Variants in PRKN observed in about 807,000 individuals in gnomAD.
PRKN encodes the protein E3 ubiquitin-protein ligase parkin.
PRKN carries 56 observed loss-of-function variants against 59.5 expected under a neutral mutation model. The observed-to-expected ratio is 0.94, with a 90% confidence interval of 0.76 to 1.18. PRKN has a LOEUF of 1.18. Among genes scored for constraint, PRKN ranks in the 50% most tolerant of loss-of-function variants. The pLI is 0.00. For synonymous variants in PRKN, 250 were observed against 222.1 expected (o/e 1.13, Z -1.12); for missense variants, 657 against 596.4 (o/e 1.10, Z -1.06).
At chr6:161,835,547 G>A (rs542174281) in intron 6 of PRKN, among the ~76,000 whole-genome samples, 7 of 152,190 alleles carry the variant, frequency 4.6e-5, no homozygotes, top group African/African-American at 9.6e-5. Context: ...TGTAAGGCCC[G>A]AGACACTGGC....
intron 2 of PRKN, among the ~76,000 whole-genome samples, chr6:162,290,610 T>C (rs1033177599): frequency 4.6e-5 from 7 of 152,136 alleles, no homozygotes; most frequent in Non-Finnish European, 1.0e-4. Flanking sequence ...GTTAGTAATA[T>C]TATGACAATA....
At chr6:162,254,938 C>T (rs1230114181) in intron 3 of PRKN, among the ~76,000 whole-genome samples, 2 of 152,008 alleles carry the variant, frequency 1.3e-5, no homozygotes, top group East Asian at 1.9e-4. Context: ...AAATGTAACA[C>T]TCCAGAAAAA....
In PRKN at chr6:161,483,105, A is replaced by G. The variant is rs539934761; in HGVS notation, c.1083+65749T>C. ...AGGGAGAAGATGCAAGGGACTTCTC[A>G]GCAATTTCTCTCTATGTGTTCTGCA... On this transcript the variant is annotated intron_variant, in intron 9 of 11. Transcript: ENST00000366898. This position sits in a 1 kb window ranked among gnomAD's most constrained non-coding sequence, Gnocchi z 5.0. Among the ~76,000 whole-genome samples the G allele has an allele frequency of 3.3e-5, 5 of 151,916 alleles. No individual in the cohort carries two copies. The highest frequency in any genetic ancestry group is 2.6e-4 in the Admixed American group (4 of 15,244).
At chr6:162,666,626 T>A (rs1779115437) in intron 1 of PRKN, among the ~76,000 whole-genome samples, 1 of 152,096 alleles carries the variant, frequency 6.6e-6, no homozygotes, top group African/African-American at 2.4e-5. Flanking sequence ...AAAATAAATT[T>A]GAGATTAATC....
At chr6:162,172,430 G>A (rs1783328749) in intron 4 of PRKN, among the ~76,000 whole-genome samples, 1 of 152,166 alleles carries the variant, frequency 6.6e-6, no homozygotes, top group Non-Finnish European at 1.5e-5. Flanking sequence ...CCTGTTGCCT[G>A]AGCCTTACTC....
At position 161,525,163 on chromosome 6, in the gene PRKN, G is replaced by C. The variant is rs992861704; in HGVS notation, c.1083+23691C>G. 2.1e-4 allele frequency among the ~76,000 whole-genome samples: 32 copies of C among 152,014 alleles called. No individual in the cohort carries two copies. Among genetic ancestry groups the C allele is most frequent in the Non-Finnish European group, 8.8e-5 (6 of 68,006 alleles). ...TGTGTGTGTGTGTGTATGTGTGTGT[G>C]AGTAGGGTTCTGTGTGAGATGGACG... is the stretch of plus-strand genomic sequence containing the variant. On this transcript the variant is annotated intron_variant, in intron 9 of 11. Transcript: ENST00000366898. This position sits in a 1 kb window ranked among gnomAD's most constrained non-coding sequence, Gnocchi z 4.7.
intron 7 of PRKN, among the ~76,000 whole-genome samples, chr6:161,597,831 C>T (rs985850409): frequency 4.4e-5 from 4 of 91,422 alleles, no homozygotes; most frequent in South Asian, 3.3e-4. Flanking sequence ...TCTGATCCAG[C>T]GTGCGCACAC....
intron 1 of PRKN, among the ~76,000 whole-genome samples, chr6:162,650,385 C>G (rs2128226381): frequency 6.6e-6 from 1 of 152,010 alleles, no homozygotes; most frequent in South Asian, 2.1e-4. Flanking sequence ...ATCACGAGGT[C>G]AGGAGATCGA....
chr6:162,058,708 T>G (rs1777968012), intron 4 of PRKN, among the ~76,000 whole-genome samples: 1 of 151,920 alleles, frequency 6.6e-6, no homozygotes, highest in Non-Finnish European at 1.5e-5. Flanking sequence ...ATCCCAGCAC[T>G]TTGGGTGGCT....
At chr6:161,674,116 G>T (rs916564619) in intron 7 of PRKN, among the ~76,000 whole-genome samples, 1 of 152,054 alleles carries the variant, frequency 6.6e-6, no homozygotes, top group African/African-American at 2.4e-5. Context: ...AGAAACAAAG[G>T]GGGAGAAGGG....
intron 6 of PRKN, among the ~76,000 whole-genome samples, chr6:161,855,131 A>T (rs920454990): frequency 1.3e-5 from 2 of 151,484 alleles, no homozygotes; most frequent in African/African-American, 4.8e-5. Flanking sequence ...AGTGGTTCTC[A>T]CAATGCACAC....
At chr6:161,727,239 C>G (rs1218593095) in intron 7 of PRKN, among the ~76,000 whole-genome samples, 1 of 152,138 alleles carries the variant, frequency 6.6e-6, no homozygotes, top group East Asian at 1.9e-4. Context: ...ACCTCTCAGC[C>G]GTCCAACCAA....
chr6:162,047,393 C>G (rs749924722), intron 5 of PRKN, among the ~76,000 whole-genome samples: 1 of 152,174 alleles, frequency 6.6e-6, no homozygotes, highest in African/African-American at 2.4e-5. Context: ...ACAGTGCAGA[C>G]GAGCATGGGC....
chr6:162,237,649 C>G (rs1232059160), intron 3 of PRKN, among the ~76,000 whole-genome samples: 4 of 152,146 alleles, frequency 2.6e-5, no homozygotes, highest in African/African-American at 9.7e-5. Context: ...TATGGCATCC[C>G]AGTTTTAAGG....
intron 6 of PRKN, among the ~76,000 whole-genome samples, chr6:161,891,034 CG>C (rs1224114002): frequency 6.6e-6 from 1 of 152,244 alleles, no homozygotes; most frequent in Admixed American, 6.5e-5. Flanking sequence ...TGCTACAAAG[CG>C]GGAAATAACA....
chr6:162,569,104 G>T, intron 1 of PRKN: 1 of 658,788 alleles, frequency 1.5e-6, no homozygotes, highest in Non-Finnish European at 2.8e-6. Context: ...AGGTCAAGGC[G>T]TAGTATGAGG....
chr6:162,568,339 T>C, intron 1 of PRKN: 1 of 342,772 alleles, frequency 2.9e-6, no homozygotes, highest in Non-Finnish European at 5.5e-6. Flanking sequence ...CTGGAATCTC[T>C]GCCTGGTTCA....
intron 9 of PRKN, among the ~76,000 whole-genome samples, chr6:161,508,482 G>A (rs1446094192): frequency 6.6e-6 from 1 of 151,952 alleles, no homozygotes; most frequent in Admixed American, 6.6e-5. Flanking sequence ...AGTCCTTATG[G>A]CTCCATTACA....
chr6:162,419,774 C>CCAGAGA (rs1788855974), intron 2 of PRKN, among the ~76,000 whole-genome samples: 1 of 120,886 alleles, frequency 8.3e-6, no homozygotes. Flanking sequence ...AGAGACAGAG[C>CCAGAGA]CAGAGACAGG....
Sources: gnomAD v4.1 joint callset for allele counts (sites outside exome capture counted in the v4.1 genomes callset) on GRCh38, gnomAD v4.1.1 for gene constraint, Gnocchi (gnomAD v3.1) non-coding constraint, MANE v1.5 for transcripts, NCBI Gene and HGNC (gene_info 2026-07-23, HGNC 2026-07-21) for gene names.